The following TNFRSF13B variants were observed in gnomAD, a reference collection of about 807,000 sequenced individuals.
The protein encoded by TNFRSF13B is TNF receptor superfamily member 13B.
A neutral mutation model predicts 24.0 loss-of-function variants in TNFRSF13B; 34 were observed. That is an observed-to-expected ratio of 1.41 (90% confidence interval 1.08 to 1.88). The LOEUF is 1.88. TNFRSF13B is among the 40% of genes most tolerant of loss of function. The pLI is 0.00. For missense variants in TNFRSF13B, 415 were observed against 380.8 expected (o/e 1.09, Z -0.75); for synonymous variants, 173 against 150.3 (o/e 1.15, Z -1.10).
chr17:16,967,045 G>A (rs1442499608), intron 1 of TNFRSF13B, among the ~76,000 whole-genome samples: 1 of 151,966 alleles, frequency 6.6e-6, no homozygotes, highest in Non-Finnish European at 1.5e-5. Flanking sequence ...CACCATGTTG[G>A]CCAGGCTGAT....
intron 1 of TNFRSF13B, among the ~76,000 whole-genome samples, chr17:16,966,290 G>A (rs1432702834): frequency 3.3e-5 from 5 of 149,486 alleles, no homozygotes; most frequent in Non-Finnish European, 5.9e-5. Context: ...AACAAAAAAC[G>A]ACAACAACAA....
At chr17:16,944,177 G>A (rs924021496) in intron 3 of TNFRSF13B, among the ~76,000 whole-genome samples, 1 of 152,158 alleles carries the variant, frequency 6.6e-6, no homozygotes, top group African/African-American at 2.4e-5. Context: ...GAGCCCGAGA[G>A]GAAGGGATTT....
rs117719990 is a variant in TNFRSF13B, at chr17:16,958,655, C to A, written c.62-6072G>T. On this transcript the variant is annotated intron_variant, in intron 1 of 4. Coordinates refer to ENST00000261652, the MANE Select transcript of TNFRSF13B (RefSeq NM_012452.3). The stretch of plus-strand genomic sequence containing the variant: ...TATGCAAATAGAAAGCAAAAGAGAG[C>A]TGGGGCAGCTATACTGTTGTCAGAC... Among the ~76,000 whole-genome samples the A allele has an allele frequency of 1.7e-3, 257 of 152,000 alleles. 8 individuals are homozygous for A. The East Asian group carries it at 0.046, about 27-fold the overall frequency.
intron 1 of TNFRSF13B, among the ~76,000 whole-genome samples, chr17:16,968,129 G>A (rs1334596357): frequency 3.5e-4 from 40 of 114,406 alleles, no homozygotes; most frequent in African/African-American, 1.3e-3. Flanking sequence ...CGACAAGAGC[G>A]AAACCCTGTC....
At chr17:16,947,225 TG>T (rs1392712130) in intron 3 of TNFRSF13B, among the ~76,000 whole-genome samples, 3 of 152,196 alleles carry the variant, frequency 2.0e-5, no homozygotes, top group African/African-American at 7.2e-5. Context: ...CAGATTTAAA[TG>T]TAAGACCCTA....
intron 4 of TNFRSF13B, 83 bp downstream of exon 4, chr17:16,940,243 G>A: frequency 6.2e-7 from 1 of 1,610,890 alleles, no homozygotes; most frequent in South Asian, 1.1e-5. Context: ...CTAGAAGCAG[G>A]GGCAGTGACA....
chr17:16,945,242 G>A (rs746370303), intron 3 of TNFRSF13B, among the ~76,000 whole-genome samples: 6 of 152,218 alleles, frequency 3.9e-5, no homozygotes, highest in Non-Finnish European at 8.8e-5. Flanking sequence ...ACAGCCTTGG[G>A]CTCCATCCCT....
chr17:16,970,435 T>C (rs1197783106), intron 1 of TNFRSF13B, among the ~76,000 whole-genome samples: 1 of 151,712 alleles, frequency 6.6e-6, no homozygotes, highest in Non-Finnish European at 1.5e-5. Context: ...TAACAGGTGC[T>C]GCACCAAGAA....
intron 3 of TNFRSF13B, among the ~76,000 whole-genome samples, chr17:16,946,798 G>A (rs1321018496): frequency 1.3e-5 from 2 of 152,080 alleles, no homozygotes; most frequent in South Asian, 2.1e-4. Context: ...TTGTTGATCC[G>A]GCTGATCTTG....
chr17:16,966,663 G>A (rs767537955), intron 1 of TNFRSF13B, among the ~76,000 whole-genome samples: 1 of 152,018 alleles, frequency 6.6e-6, no homozygotes, highest in Non-Finnish European at 1.5e-5. Flanking sequence ...AGGGTAATTT[G>A]GCAACATTTG....
At chr17:16,946,599 T>TTTTTTTTTTA (rs2087551234) in intron 3 of TNFRSF13B, among the ~76,000 whole-genome samples, 2 of 147,012 alleles carry the variant, frequency 1.4e-5, no homozygotes, top group South Asian at 2.1e-4. Flanking sequence ...TTTATTTATT[T>TTTTTTTTTTA]TTTTTTGAGA....
At chr17:16,971,086 G>A (rs1193662204) in intron 1 of TNFRSF13B, among the ~76,000 whole-genome samples, 1 of 152,204 alleles carries the variant, frequency 6.6e-6, no homozygotes, top group Non-Finnish European at 1.5e-5. Flanking sequence ...CGTGGCTCAT[G>A]CCTGTAATCC....
intron 1 of TNFRSF13B, among the ~76,000 whole-genome samples, chr17:16,961,867 C>T (rs2087664795): frequency 6.6e-6 from 1 of 152,164 alleles, no homozygotes; most frequent in South Asian, 2.1e-4. Context: ...AAGACGTTCT[C>T]AGACATGCAA....
In TNFRSF13B at chr17:16,939,526, C is replaced by T. The variant is rs764673520; in HGVS notation, c.*21G>A. 6 of 1,610,464 alleles carry T rather than the reference C, an allele frequency of 3.7e-6. No individual in the cohort carries two copies. The highest frequency in any genetic ancestry group is 5.1e-6 in the Non-Finnish European group (6 of 1,178,086). The stretch of plus-strand genomic sequence containing the variant: ...CTCCTCTCCATCTCTCTCCCTCCTC[C>T]TTTCCCTCCCTGACCCCCATTTATG... On this transcript the variant is annotated 3_prime_UTR_variant, in exon 5 of 5. Coordinates refer to ENST00000261652, the MANE Select transcript of TNFRSF13B (RefSeq NM_012452.3).
At position 16,939,536 on chromosome 17, in the gene TNFRSF13B, C is replaced by G. The variant is rs752062952; in HGVS notation, c.*11G>C. ...TCTCTCTCCCTCCTCCTTTCCCTCCCTGACCCCCATTTATGCACCTGGGCC... is the reference window on the plus strand; with the variant it reads ...TCTCTCTCCCTCCTCCTTTCCCTCCGTGACCCCCATTTATGCACCTGGGCC... On this transcript the variant is annotated 3_prime_UTR_variant, in exon 5 of 5. Coordinates refer to ENST00000261652, the MANE Select transcript of TNFRSF13B (RefSeq NM_012452.3). The G allele has an allele frequency of 6.2e-7, 1 of 1,612,502 alleles. No individual in the cohort carries two copies. Among genetic ancestry groups the G allele is most frequent in the Non-Finnish European group, 8.5e-7 (1 of 1,179,262 alleles).
chr17:16,963,642 T>C (rs2087678967), intron 1 of TNFRSF13B, among the ~76,000 whole-genome samples: 1 of 152,052 alleles, frequency 6.6e-6, no homozygotes, highest in Non-Finnish European at 1.5e-5. Flanking sequence ...CTCCACCTCC[T>C]GGGTTCACGT....
rs546335485 is a variant in TNFRSF13B at position 16,948,944 on chromosome 17, T to C, written c.239A>G (p.Asp80Gly). ...SCRKEQGKFY[D>G]HLLRDCISCA... Reference sequence around the variant, plus strand: ...GCTGATGCAGTCCCTCAGGAGATGGTCATAGAACTTGCCTTGCTCCTTGCG... The same window carrying C: ...GCTGATGCAGTCCCTCAGGAGATGGCCATAGAACTTGCCTTGCTCCTTGCG... The change falls in exon 3 of 5, where the codon GAC becomes GGC. Residue 80 changes from aspartate (D) to glycine (G), a missense_variant. Coordinates refer to ENST00000261652, the MANE Select transcript of TNFRSF13B (RefSeq NM_012452.3). The C allele has an allele frequency of 1.2e-6, 2 of 1,614,174 alleles. No individual in the cohort carries two copies. The highest frequency in any genetic ancestry group is 4.5e-5 in the East Asian group (2 of 44,888).
At chr17:16,951,558 C>A (rs184417927) in intron 2 of TNFRSF13B, among the ~76,000 whole-genome samples, 57 of 152,290 alleles carry the variant, frequency 3.7e-4, no homozygotes, top group African/African-American at 1.3e-3. Flanking sequence ...CCAGTATCTG[C>A]AGGTAAAATT....
chr17:16,949,239 T>G (rs745458759), intron 2 of TNFRSF13B, among the ~76,000 whole-genome samples: 2 of 152,206 alleles, frequency 1.3e-5, no homozygotes, highest in Non-Finnish European at 2.9e-5. Flanking sequence ...TTTTTCATTA[T>G]TATCTTTTCT....
Sources: allele counts gnomAD v4.1 joint callset (sites outside exome capture counted in the v4.1 genomes callset), GRCh38; gene constraint gnomAD v4.1.1; transcripts MANE v1.5; gene names NCBI Gene and HGNC (gene_info 2026-07-23, HGNC 2026-07-21).